Variants in USP24 observed in about 807,000 individuals in gnomAD.
USP24 encodes the protein ubiquitin specific peptidase 24.
Under a neutral mutation model 361.6 loss-of-function variants are expected in USP24, and 97 were observed. The ratio of observed to expected loss-of-function variants is 0.27; its 90% confidence interval spans 0.23 to 0.32. USP24 has a LOEUF of 0.32. USP24 is among the 10% of genes least tolerant of loss of function. USP24 has a pLI of 1.00. For missense variants in USP24, 2,353 were observed against 3,165.6 expected (o/e 0.74, Z 6.16); for synonymous variants, 1,098 against 1,124.6 (o/e 0.98, Z 0.47).
Position 55,089,841 on chromosome 1 carries a change from GTC to G in USP24, c.6555-103_6555-102del, listed in dbSNP as rs1645336124. ...GTTCTTATCCTTTCTATCTATGAAT[GTC>G]TCTCTGTATGTCTCTCGTGGGTAGA... On this transcript the variant is annotated intron_variant, in intron 54 of 67. Coordinates refer to ENST00000294383, the MANE Select transcript of USP24 (RefSeq NM_015306.3). 7 of 773,012 alleles carry G rather than the reference GTC, an allele frequency of 9.1e-6. No homozygotes were observed. The East Asian group carries it at 1.9e-4, about 21-fold the overall frequency. 47.9% of individuals were successfully genotyped at this position (773,012 alleles called of 1,614,324 possible). A position where few individuals can be genotyped will look rare whatever the true frequency, so the allele number is the denominator to read the frequency against.
Position 55,068,241 on chromosome 1 carries a change from T to C in USP24, c.*804A>G, listed in dbSNP as rs577289131. ...AAATTATATCTTAAAGTGCTTTTATTTTGCTGTTTTTAAAATCTGTTTGGG... is the reference window on the plus strand; with the variant it reads ...AAATTATATCTTAAAGTGCTTTTATCTTGCTGTTTTTAAAATCTGTTTGGG... On this transcript the variant is annotated 3_prime_UTR_variant, in exon 68 of 68. Transcript: ENST00000294383. 6.6e-6 allele frequency: 1 copy of C among 152,354 alleles called. No individual in the cohort carries two copies. The highest frequency in any genetic ancestry group is 1.5e-5 in the Non-Finnish European group (1 of 68,032). The allele number at this position is 152,354 out of a possible 1,614,324, so 9.4% of individuals were successfully genotyped here.
intron 28 of USP24, among the ~76,000 whole-genome samples, chr1:55,137,232 G>A (rs1362343788): frequency 2.0e-5 from 3 of 152,152 alleles, no homozygotes; most frequent in Non-Finnish European, 4.4e-5. Context: ...AACTTGAAAA[G>A]AGGCTAATTC....
At chr1:55,213,119 C>T (rs527901472) in intron 1 of USP24, among the ~76,000 whole-genome samples, 74 of 152,308 alleles carry the variant, frequency 4.9e-4, no homozygotes, top group Non-Finnish European at 8.7e-4. Flanking sequence ...GTTATACAAA[C>T]ACCTTCTGAA....
At chr1:55,193,142 C>T (rs527549644) in intron 1 of USP24, among the ~76,000 whole-genome samples, 9 of 152,196 alleles carry the variant, frequency 5.9e-5, no homozygotes, top group South Asian at 2.1e-4. Context: ...TATTTATATA[C>T]AGTATAACAA....
intron 1 of USP24, among the ~76,000 whole-genome samples, chr1:55,192,936 T>C (rs988432138): frequency 2.6e-5 from 4 of 152,212 alleles, no homozygotes; most frequent in African/African-American, 9.7e-5. Flanking sequence ...TTCCCTGCAT[T>C]AACCCTTCTT....
At chr1:55,073,341 C>T (rs1644958598) in intron 64 of USP24, among the ~76,000 whole-genome samples, 1 of 152,130 alleles carries the variant, frequency 6.6e-6, no homozygotes, top group Admixed American at 6.5e-5. Context: ...ATATGACTCA[C>T]AACTGTACTA....
At chr1:55,178,609 C>G (rs1201171486) in intron 1 of USP24, among the ~76,000 whole-genome samples, 1 of 151,620 alleles carries the variant, frequency 6.6e-6, no homozygotes, top group Non-Finnish European at 1.5e-5. Context: ...GCGGAGCTTG[C>G]AGTGAGCAGA....
Position 55,154,789 on chromosome 1 carries a change from A to G in USP24, c.1447-11T>C, listed in dbSNP as rs1182069776. 6.3e-7 allele frequency: 1 copy of G among 1,599,752 alleles called. No homozygotes were observed. On this transcript the variant is annotated splice_polypyrimidine_tract_variant and intron_variant, in intron 12 of 67. Coordinates refer to ENST00000294383, the MANE Select transcript of USP24 (RefSeq NM_015306.3). The stretch of plus-strand genomic sequence containing the variant: ...AGATGATTGTCCTGACTGGAAAAGG[A>G]AACATTGGAAAAAAATTAAGTCTTG...
At chr1:55,212,180 C>A (rs1204559030) in intron 1 of USP24, among the ~76,000 whole-genome samples, 1 of 152,202 alleles carries the variant, frequency 6.6e-6, no homozygotes. Flanking sequence ...TTATTAATTT[C>A]TAAAGTATGC....
chr1:55,138,602 A>G lies in USP24; in HGVS notation c.2928+6T>C. 1 of 1,596,108 alleles carries G rather than the reference A, an allele frequency of 6.3e-7. No homozygotes were observed. Among genetic ancestry groups the G allele is most frequent in the South Asian group, 1.1e-5 (1 of 89,292 alleles). On this transcript the variant is annotated splice_donor_region_variant and intron_variant, in intron 26 of 67. Coordinates refer to ENST00000294383, the MANE Select transcript of USP24 (RefSeq NM_015306.3). ...AAAATGGCTGTAGTTCTTAATGTAAACCTACCTCGACAGTGAAGGTATCTT... is the reference window on the plus strand; with the variant it reads ...AAAATGGCTGTAGTTCTTAATGTAAGCCTACCTCGACAGTGAAGGTATCTT...
rs1291876422 is a variant in USP24 at position 55,083,865 on chromosome 1, C to T, written c.6789G>A (p.Leu2263=). Residue 2263 remains leucine, a synonymous_variant, in exon 57 of 68, where the codon CTG becomes CTA. Coordinates refer to ENST00000294383, the MANE Select transcript of USP24 (RefSeq NM_015306.3). ...QDKLKSLHQL[L]EVLLALLDKD... ...TGTCCAACAGAGCAAGTAGTACCTC[C>T]AGTAACTGATGAAGGCTTTTTAACT... The T allele has an allele frequency of 8.7e-6, 14 of 1,600,788 alleles. No homozygotes were observed. Among genetic ancestry groups the T allele is most frequent in the Non-Finnish European group, 1.1e-5 (13 of 1,173,480 alleles).
intron 38 of USP24, among the ~76,000 whole-genome samples, chr1:55,110,560 A>T (rs1645919594): frequency 6.6e-6 from 1 of 152,210 alleles, no homozygotes. Flanking sequence ...ACCAGTATCT[A>T]CTAAGCACCT....
chr1:55,145,984 A>T lies in USP24; in HGVS notation c.2362+14T>A. 1 of 1,560,922 alleles carries T rather than the reference A, an allele frequency of 6.4e-7. No individual in the cohort carries two copies. On this transcript the variant is annotated intron_variant, in intron 20 of 67. Coordinates refer to ENST00000294383, the MANE Select transcript of USP24 (RefSeq NM_015306.3). ...TAAAAGTACTGAAAAAAATGATTTT[A>T]AGTTTTTTCCTACCATTCATAGTGA...
At chr1:55,156,864 T>C (rs1330611246) in intron 12 of USP24, 84 bp downstream of exon 12, 1 of 951,414 alleles carries the variant, frequency 1.1e-6, no homozygotes, top group African/African-American at 1.6e-5. Flanking sequence ...AAAGTTTCCG[T>C]TTTCCTGCTC....
chr1:55,071,571 C>G, intron 67 of USP24: 1 of 1,310,102 alleles, frequency 7.6e-7, no homozygotes, highest in Non-Finnish European at 9.8e-7. Context: ...GCAGGCTGAT[C>G]AGGGTGGCCA....
intron 30 of USP24, 35 bp from the exon 31 acceptor site, chr1:55,132,735 T>G (rs1646627233): frequency 6.3e-7 from 1 of 1,578,980 alleles, no homozygotes; most frequent in Non-Finnish European, 8.6e-7. Flanking sequence ...CATAAACTAC[T>G]TAAAAGGACA....
intron 38 of USP24, among the ~76,000 whole-genome samples, chr1:55,112,735 A>G (rs1315165848): frequency 6.6e-6 from 1 of 152,140 alleles, no homozygotes; most frequent in African/African-American, 2.4e-5. Context: ...AAGAATGTAT[A>G]TTCTGTTGAT....
intron 38 of USP24, among the ~76,000 whole-genome samples, chr1:55,111,498 G>A (rs555228143): frequency 6.6e-6 from 1 of 151,848 alleles, no homozygotes; most frequent in Non-Finnish European, 1.5e-5. Context: ...AAGAATCATT[G>A]GTCTTTCAAA....
intron 3 of USP24, among the ~76,000 whole-genome samples, chr1:55,174,881 T>C (rs1160768995): frequency 6.6e-6 from 1 of 152,216 alleles, no homozygotes; most frequent in Non-Finnish European, 1.5e-5. Context: ...CCTCCCGCTT[T>C]TGGCCTCACA....
Sources: allele counts gnomAD v4.1 joint callset (sites outside exome capture counted in the v4.1 genomes callset), GRCh38; gene constraint gnomAD v4.1.1; transcripts MANE v1.5; gene names NCBI Gene and HGNC (gene_info 2026-07-23, HGNC 2026-07-21).